DOCK8: variants seen among roughly 807,000 people sequenced by gnomAD.
DOCK8 encodes dedicator of cytokinesis 8.
In DOCK8, 141 loss-of-function variants were observed where a neutral mutation model predicts 245.6. The observed-to-expected ratio is 0.57, with a 90% CI of 0.50 to 0.66. The LOEUF is 0.66. Ranked by LOEUF, DOCK8 falls within the 30% of genes least tolerant of loss-of-function variation. The probability of loss-of-function intolerance (pLI) is 0.00; values close to 1 mark genes in which losing one functional copy is unlikely to be tolerated. For synonymous variants in DOCK8, 1,168 were observed against 970.2 expected, an observed-to-expected ratio of 1.20 and a Z score of -3.79; for missense variants, 2,965 against 2,603.4, an observed-to-expected ratio of 1.14 and a Z score of -3.02.
chr9:244,177 G>A (rs531719221), intron 1 of DOCK8, among the ~76,000 whole-genome samples: 44 of 118,890 alleles, frequency 3.7e-4, no homozygotes, highest in African/African-American at 1.4e-3. Flanking sequence ...GACAGAGCCA[G>A]ACTCCGTCTG....
intron 1 of DOCK8, among the ~76,000 whole-genome samples, chr9:264,293 C>G (rs2047987172): frequency 6.6e-6 from 1 of 152,186 alleles, no homozygotes; most frequent in African/African-American, 2.4e-5. Flanking sequence ...TGCTGGAACC[C>G]TCAAACACTT....
intron 1 of DOCK8, among the ~76,000 whole-genome samples, chr9:238,974 C>G (rs1003543776): frequency 6.6e-6 from 1 of 152,158 alleles, no homozygotes; most frequent in South Asian, 2.1e-4. Context: ...ACCATTTAGA[C>G]ACACCGATTC....
intron 43 of DOCK8, among the ~76,000 whole-genome samples, chr9:444,652 A>G (rs1487461221): frequency 2.0e-5 from 3 of 152,158 alleles, no homozygotes; most frequent in Admixed American, 2.0e-4. Context: ...CTGTAATCAC[A>G]GAATTGGTCT....
intron 7 of DOCK8, 136 bp from the exon 8 acceptor site, chr9:325,535 C>G (rs2050726373): frequency 2.6e-6 from 2 of 765,284 alleles, no homozygotes; most frequent in South Asian, 1.4e-5. Flanking sequence ...CAGTGCGATT[C>G]TCATATACTT....
rs546766466 is a variant in DOCK8 at position 408,239 on chromosome 9, C to G, written c.3530+1170C>G. On this transcript the variant is annotated intron_variant, in intron 28 of 47. Transcript: ENST00000432829. ...AGGAGGTTCCTGCATGAAACAAATA[C>G]AGGAGCACATCGAGTTCGTGCAACT... 7.1e-4 allele frequency among the ~76,000 whole-genome samples: 108 copies of G among 152,310 alleles called. 2 individuals carry two copies. The South Asian group carries it at 0.014, about 20-fold the overall frequency.
intron 1 of DOCK8, among the ~76,000 whole-genome samples, chr9:223,893 G>T (rs192382536): frequency 3.9e-5 from 6 of 152,172 alleles, no homozygotes; most frequent in African/African-American, 1.4e-4. Flanking sequence ...CTTCTGGGGT[G>T]TGTGTGTATA....
rs113182827 is a variant in DOCK8 at position 325,402 on chromosome 9, T to C, written c.828-269T>C. Among the ~76,000 whole-genome samples, 3,948 of 152,274 alleles carry C rather than the reference T, an allele frequency of 0.026. 171 individuals are homozygous for C. Among genetic ancestry groups the C allele is most frequent in the African/African-American group, 0.09 (3,731 of 41,542 alleles). ...AAGGTCCATTCAGCCCACTCTCTCT[T>C]GCAGTGAGTGAGTGAATGAGTGAGA... On this transcript the variant is annotated intron_variant, in intron 7 of 47. Transcript: ENST00000432829.
chr9:218,849 T>C (rs2046821830), intron 1 of DOCK8, among the ~76,000 whole-genome samples: 1 of 152,216 alleles, frequency 6.6e-6, no homozygotes, highest in Admixed American at 6.5e-5. Context: ...ATGCTTTCTA[T>C]GTGGCAGAGA....
In DOCK8 at chr9:453,550, C is replaced by T. The variant is rs187061853; in HGVS notation, c.6068+1433C>T. ...CAAGAGATTCTCCTCCCTGAGCCTC[C>T]CAAGTAGCTGGGACTACAGACGTGT... On this transcript the variant is annotated intron_variant, in intron 46 of 47. Coordinates refer to ENST00000432829, the MANE Select transcript of DOCK8 (RefSeq NM_203447.4). Among the ~76,000 whole-genome samples the T allele has an allele frequency of 2.3e-3, 351 of 152,238 alleles. 1 individual carries two copies. The highest frequency in any genetic ancestry group is 3.9e-3 in the Non-Finnish European group (262 of 68,002).
At chr9:355,501 C>A (rs1415336586) in intron 14 of DOCK8, among the ~76,000 whole-genome samples, 1 of 151,814 alleles carries the variant, frequency 6.6e-6, no homozygotes, top group Non-Finnish European at 1.5e-5. Context: ...CGTGCCCAGC[C>A]CAGAATGGTG....
intron 4 of DOCK8, among the ~76,000 whole-genome samples, chr9:302,035 T>G (rs2049574659): frequency 6.6e-6 from 1 of 150,552 alleles, no homozygotes; most frequent in Admixed American, 6.6e-5. Context: ...AAAACCTGAA[T>G]AGCCAAAGCA....
At chr9:245,089 G>A (rs2047475629) in intron 1 of DOCK8, among the ~76,000 whole-genome samples, 1 of 152,106 alleles carries the variant, frequency 6.6e-6, no homozygotes, top group Non-Finnish European at 1.5e-5. Context: ...GCTGATTTCA[G>A]GTCCCAGGCC....
chr9:300,797 G>A (rs567580323), intron 4 of DOCK8, among the ~76,000 whole-genome samples: 2 of 152,186 alleles, frequency 1.3e-5, no homozygotes, highest in East Asian at 3.9e-4. Context: ...ATTGAAGCAG[G>A]AAGAAATTGA....
chr9:385,643 A>G (rs999532749), intron 22 of DOCK8, among the ~76,000 whole-genome samples: 1 of 152,140 alleles, frequency 6.6e-6, no homozygotes, highest in Non-Finnish European at 1.5e-5. Context: ...GTGGCACAAA[A>G]ATTGGCAAAT....
intron 27 of DOCK8, among the ~76,000 whole-genome samples, chr9:406,700 G>A (rs922014758): frequency 2.6e-5 from 4 of 152,026 alleles, no homozygotes; most frequent in African/African-American, 9.7e-5. Flanking sequence ...GACCCGGGGT[G>A]CTTTATTTTC....
intron 39 of DOCK8, among the ~76,000 whole-genome samples, chr9:438,604 G>A (rs1018371493): frequency 6.6e-6 from 1 of 152,112 alleles, no homozygotes; most frequent in African/African-American, 2.4e-5. Flanking sequence ...TTTGTCTTGG[G>A]TTTCTCATTT....
At chr9:425,226 C>T (rs1249149695) in intron 33 of DOCK8, among the ~76,000 whole-genome samples, 8 of 152,030 alleles carry the variant, frequency 5.3e-5, no homozygotes. Context: ...AACTAGCAGT[C>T]AATTAATTAA....
At chr9:394,355 G>T (rs1028313142) in intron 24 of DOCK8, among the ~76,000 whole-genome samples, 1 of 152,242 alleles carries the variant, frequency 6.6e-6, no homozygotes, top group South Asian at 2.1e-4. Flanking sequence ...CAGACAAGGT[G>T]CCCAATTCTT....
chr9:420,103 T>A (rs2056212980), intron 30 of DOCK8: 1 of 457,444 alleles, frequency 2.2e-6, no homozygotes, highest in African/African-American at 2.0e-5. Flanking sequence ...GGCCCAGGGG[T>A]GATCACCAGG....
Sources: allele counts gnomAD v4.1 joint callset (sites outside exome capture counted in the v4.1 genomes callset), GRCh38; gene constraint gnomAD v4.1.1; transcripts MANE v1.5; gene names NCBI Gene and HGNC (gene_info 2026-07-23, HGNC 2026-07-21).